Variants in TFB1M observed in about 807,000 individuals in gnomAD.
The protein encoded by TFB1M is dimethyladenosine transferase 1, mitochondrial.
TFB1M carries 27 observed loss-of-function variants against 31.1 expected under a neutral mutation model. The ratio of observed to expected loss-of-function variants is 0.87; its 90% CI spans 0.64 to 1.20. The LOEUF (loss-of-function observed/expected upper bound fraction) is 1.20. Ranked by LOEUF, TFB1M falls within the 50% of genes most tolerant of loss-of-function variation. The probability of loss-of-function intolerance (pLI) is 0.00; values close to 1 mark genes in which losing one functional copy is unlikely to be tolerated. For synonymous variants in TFB1M, 166 were observed against 151.8 expected, an observed-to-expected ratio of 1.09 and a Z score of -0.69; for missense variants, 394 against 418.7, an observed-to-expected ratio of 0.94 and a Z score of 0.51.
intron 2 of TFB1M, among the ~76,000 whole-genome samples, chr6:155,301,498 G>C (rs1411572829): frequency 2.0e-5 from 3 of 152,154 alleles, no homozygotes; most frequent in Non-Finnish European, 2.9e-5. Flanking sequence ...ATATGCATTC[G>C]AGAATAACAA....
At chr6:155,295,966 T>A (rs145285863) in intron 4 of TFB1M, among the ~76,000 whole-genome samples, 31 of 152,258 alleles carry the variant, frequency 2.0e-4, no homozygotes, top group African/African-American at 6.7e-4. Context: ...CTGGAATCAA[T>A]CCCCTATGGA....
intron 4 of TFB1M, among the ~76,000 whole-genome samples, chr6:155,294,242 A>G (rs1156938186): frequency 6.6e-6 from 1 of 152,254 alleles, no homozygotes; most frequent in Non-Finnish European, 1.5e-5. Context: ...GTAAACATAA[A>G]GCTTCTAGAA....
the TFB1M span, chr6:155,248,104 C>G: frequency 1.2e-6 from 2 of 1,614,218 alleles, no homozygotes; most frequent in Non-Finnish European, 8.5e-7. Context: ...TCAGAGAGTG[C>G]TCAAGTACCC....
intron 5 of TFB1M, among the ~76,000 whole-genome samples, chr6:155,271,420 C>T (rs1229776229): frequency 2.6e-5 from 4 of 152,150 alleles, no homozygotes; most frequent in Admixed American, 6.5e-5. Context: ...TATAGTTATA[C>T]TCCACAAATC....
chr6:155,314,265 G>A (rs1443394325), intron 1 of TFB1M, 31 bp downstream of exon 1: 1 of 1,611,636 alleles, frequency 6.2e-7, no homozygotes, highest in Non-Finnish European at 8.5e-7. Flanking sequence ...ACACTGGGGA[G>A]ACATCCGGGG....
At chr6:155,254,543 A>G, downstream of TFB1M, 1 of 1,613,616 alleles carries the variant, frequency 6.2e-7, no homozygotes, top group Non-Finnish European at 8.5e-7. Context: ...GGTACCTCTT[A>G]AGAACCGAGT....
intron 5 of TFB1M, among the ~76,000 whole-genome samples, chr6:155,280,570 C>G (rs1216043539): frequency 6.6e-6 from 1 of 152,168 alleles, no homozygotes; most frequent in East Asian, 1.9e-4. Context: ...GTCAATACAT[C>G]ACCTTTATGA....
the TFB1M span, among the ~76,000 whole-genome samples, chr6:155,242,462 G>A: frequency 6.6e-6 from 1 of 152,226 alleles, no homozygotes; most frequent in Non-Finnish European, 1.5e-5. Flanking sequence ...GTCTGGCGTG[G>A]AATATGGTGA....
intron 6 of TFB1M, among the ~76,000 whole-genome samples, chr6:155,259,958 G>A (rs969687482): frequency 1.3e-5 from 2 of 152,244 alleles, no homozygotes; most frequent in Admixed American, 1.3e-4. Flanking sequence ...TAGAAAGCAA[G>A]CATTTAAAAA....
the TFB1M span, among the ~76,000 whole-genome samples, chr6:155,248,672 C>T: frequency 2.2e-4 from 34 of 152,292 alleles, no homozygotes; most frequent in Admixed American, 5.9e-4. Flanking sequence ...GCTTTCAAGT[C>T]GCTACTGGTG....
the TFB1M span, among the ~76,000 whole-genome samples, chr6:155,231,396 G>T: frequency 6.6e-6 from 1 of 152,152 alleles, no homozygotes; most frequent in East Asian, 1.9e-4. Flanking sequence ...GTACCATTTT[G>T]ATAAATATAA....
At chr6:155,299,108 T>G (rs1410767977) in intron 2 of TFB1M, among the ~76,000 whole-genome samples, 1 of 152,166 alleles carries the variant, frequency 6.6e-6, no homozygotes. Flanking sequence ...AGTCTCCACT[T>G]GGCACTCCGA....
At chr6:155,260,140 C>G (rs1040280551) in intron 6 of TFB1M, 133 bp downstream of exon 6, 1 of 1,068,938 alleles carries the variant, frequency 9.4e-7, no homozygotes, top group Non-Finnish European at 1.4e-6. Context: ...GCAGTGAAGT[C>G]TTGTCCGTCA....
intron 4 of TFB1M, among the ~76,000 whole-genome samples, chr6:155,287,456 A>C (rs977996637): frequency 2.6e-5 from 4 of 152,172 alleles, no homozygotes; most frequent in African/African-American, 9.7e-5. Context: ...TTGAATCCCA[A>C]AATGGAATAA....
chr6:155,269,704 CA>C, intron 5 of TFB1M, among the ~76,000 whole-genome samples: 1 of 152,242 alleles, frequency 6.6e-6, no homozygotes, highest in South Asian at 2.1e-4. Flanking sequence ...CAGTACCTGG[CA>C]TATGGAAAGC....
At chr6:155,309,794 T>C (rs575488391) in intron 2 of TFB1M, among the ~76,000 whole-genome samples, 1 of 152,238 alleles carries the variant, frequency 6.6e-6, no homozygotes, top group Admixed American at 6.5e-5. Context: ...AATAATAATA[T>C]TCCCACGTCC....
At chr6:155,248,425 C>T in the TFB1M span, among the ~76,000 whole-genome samples, 5 of 152,242 alleles carry the variant, frequency 3.3e-5, no homozygotes, top group African/African-American at 9.6e-5. Flanking sequence ...GCGCCATACT[C>T]CTCCTATGCA....
the TFB1M span, among the ~76,000 whole-genome samples, chr6:155,238,878 T>TG: frequency 1.3e-4 from 20 of 152,314 alleles, no homozygotes; most frequent in Admixed American, 4.6e-4. Context: ...GACCACTGAA[T>TG]TGAACTGAAA....
At chr6:155,243,540 T>C in the TFB1M span, among the ~76,000 whole-genome samples, 1 of 152,124 alleles carries the variant, frequency 6.6e-6, no homozygotes, top group Non-Finnish European at 1.5e-5. Context: ...TAATCACTAC[T>C]TTTGGGGTCA....
Sources: gnomAD v4.1 joint callset for allele counts (sites outside exome capture counted in the v4.1 genomes callset) on GRCh38, gnomAD v4.1.1 for gene constraint, MANE v1.5 for transcripts, NCBI Gene and HGNC (gene_info 2026-07-23, HGNC 2026-07-21) for gene names.